The following GABRB1 variants were observed in gnomAD, a reference collection of about 807,000 sequenced individuals.
GABRB1 encodes the protein gamma-aminobutyric acid receptor subunit beta-1.
A neutral mutation model predicts 51.6 loss-of-function variants in GABRB1; 17 were observed. The ratio of observed to expected loss-of-function variants is 0.33; its 90% confidence interval spans 0.23 to 0.49. The LOEUF is 0.49. Ranked by LOEUF, GABRB1 falls within the 20% of genes least tolerant of loss-of-function variation. The pLI is 0.99. For synonymous variants in GABRB1, 247 were observed against 218.9 expected (o/e 1.13, Z -1.14); for missense variants, 410 against 600.6 (o/e 0.68, Z 3.32).
intron 3 of GABRB1, among the ~76,000 whole-genome samples, chr4:47,054,962 T>G (rs1323196744): frequency 3.3e-5 from 5 of 152,198 alleles, no homozygotes; most frequent in Non-Finnish European, 5.9e-5. Context: ...GACTTAGTTA[T>G]TTTTAAAACT....
At chr4:47,328,814 G>A (rs920842150) in intron 5 of GABRB1, among the ~76,000 whole-genome samples, 6 of 151,750 alleles carry the variant, frequency 4.0e-5, no homozygotes, top group Admixed American at 1.3e-4. Flanking sequence ...TATACCTAAT[G>A]TTAAATGACG....
intron 4 of GABRB1, among the ~76,000 whole-genome samples, chr4:47,286,243 T>C (rs925871931): frequency 1.2e-4 from 19 of 152,216 alleles, no homozygotes; most frequent in African/African-American, 4.6e-4. Context: ...ACAACTTCCC[T>C]GAAGCCTATA....
At chr4:47,099,073 G>A (rs1714602484) in intron 3 of GABRB1, among the ~76,000 whole-genome samples, 1 of 151,980 alleles carries the variant, frequency 6.6e-6, no homozygotes, top group South Asian at 2.1e-4. Context: ...TCCACGTTTG[G>A]CAATATAGGT....
At chr4:47,274,131 A>T (rs1722983771) in intron 4 of GABRB1, among the ~76,000 whole-genome samples, 1 of 151,982 alleles carries the variant, frequency 6.6e-6, no homozygotes, top group South Asian at 2.1e-4. Context: ...AGCAAGAAAA[A>T]CCCAAATTCC....
At chr4:47,217,945 T>G (rs865945622) in intron 4 of GABRB1, among the ~76,000 whole-genome samples, 1 of 151,796 alleles carries the variant, frequency 6.6e-6, no homozygotes, top group Non-Finnish European at 1.5e-5. Flanking sequence ...TCTATCTAAC[T>G]GTATGTTTCT....
intron 5 of GABRB1, among the ~76,000 whole-genome samples, chr4:47,370,138 T>A (rs1727135368): frequency 7.9e-5 from 12 of 152,030 alleles, no homozygotes; most frequent in Admixed American, 7.9e-4. Flanking sequence ...CTCATCAAGG[T>A]TTACAAAAAC....
intron 1 of GABRB1, among the ~76,000 whole-genome samples, chr4:47,014,324 C>T (rs775943878): frequency 6.6e-6 from 1 of 152,096 alleles, no homozygotes; most frequent in East Asian, 1.9e-4. Flanking sequence ...CTATTCTTTG[C>T]CCTGGGTTTG....
chr4:47,329,413 G>A (rs1016275491), intron 5 of GABRB1, among the ~76,000 whole-genome samples: 1 of 148,708 alleles, frequency 6.7e-6, no homozygotes, highest in Admixed American at 6.8e-5. Flanking sequence ...ATAATTTAAT[G>A]TAAAATACAG....
intron 3 of GABRB1, among the ~76,000 whole-genome samples, chr4:47,147,317 A>G (rs1717217619): frequency 6.6e-6 from 1 of 151,930 alleles, no homozygotes; most frequent in Non-Finnish European, 1.5e-5. Flanking sequence ...CTTATTTTAT[A>G]CAACCTCATA....
chr4:47,101,955 A>G (rs1439382024), intron 3 of GABRB1, among the ~76,000 whole-genome samples: 1 of 152,046 alleles, frequency 6.6e-6, no homozygotes, highest in African/African-American at 2.4e-5. Context: ...TGTCTGAAGT[A>G]TATTTCTAGA....
intron 5 of GABRB1, among the ~76,000 whole-genome samples, chr4:47,397,076 T>C (rs2110044552): frequency 6.6e-6 from 1 of 152,314 alleles, no homozygotes; most frequent in South Asian, 2.1e-4. Flanking sequence ...GAACTGCAAT[T>C]ATTTTTTGTC....
intron 3 of GABRB1, among the ~76,000 whole-genome samples, chr4:47,120,771 A>T (rs1715741329): frequency 6.6e-6 from 1 of 152,206 alleles, no homozygotes; most frequent in African/African-American, 2.4e-5. Context: ...GATGTCATCC[A>T]GGAGCTAGGG....
At chr4:47,144,687 T>C (rs1236212148) in intron 3 of GABRB1, among the ~76,000 whole-genome samples, 4 of 151,922 alleles carry the variant, frequency 2.6e-5, no homozygotes, top group African/African-American at 9.7e-5. Flanking sequence ...CGAATTTAGA[T>C]TGATTTGACA....
chr4:47,036,732 C>T (rs895117788), intron 3 of GABRB1, among the ~76,000 whole-genome samples: 7 of 151,828 alleles, frequency 4.6e-5, no homozygotes, highest in East Asian at 1.9e-4. Context: ...TGTGATGGTG[C>T]GTGCCTATAG....
intron 3 of GABRB1, among the ~76,000 whole-genome samples, chr4:47,090,509 A>G (rs151245831): frequency 6.6e-6 from 1 of 152,324 alleles, no homozygotes; most frequent in East Asian, 1.9e-4. Flanking sequence ...ACAACATTGG[A>G]TAAATCATTG....
At chr4:47,081,772 C>T (rs1015665329) in intron 3 of GABRB1, among the ~76,000 whole-genome samples, 1 of 151,978 alleles carries the variant, frequency 6.6e-6, no homozygotes, top group Non-Finnish European at 1.5e-5. Context: ...AGCAAACTTC[C>T]CATTTTCATT....
chr4:47,239,296 C>G (rs917200535), intron 4 of GABRB1, among the ~76,000 whole-genome samples: 7 of 152,134 alleles, frequency 4.6e-5, no homozygotes, highest in Non-Finnish European at 1.0e-4. Flanking sequence ...ATCAGTTGTT[C>G]ATTTATAATT....
intron 8 of GABRB1, among the ~76,000 whole-genome samples, chr4:47,408,424 G>A (rs1160733153): frequency 6.6e-6 from 1 of 152,184 alleles, no homozygotes; most frequent in Non-Finnish European, 1.5e-5. Flanking sequence ...GTATCTTCAT[G>A]CTCTTTAGTA....
chr4:47,204,075 A>T (rs1720015581), intron 4 of GABRB1, among the ~76,000 whole-genome samples: 1 of 152,180 alleles, frequency 6.6e-6, no homozygotes, highest in African/African-American at 2.4e-5. Flanking sequence ...TTTGGCCTTG[A>T]TGTTTAAAGG....
Sources: gnomAD v4.1 joint callset for allele counts (sites outside exome capture counted in the v4.1 genomes callset) on GRCh38, gnomAD v4.1.1 for gene constraint, MANE v1.5 for transcripts, NCBI Gene and HGNC (gene_info 2026-07-23, HGNC 2026-07-21) for gene names.